Variants in NCK2 observed in about 807,000 individuals in gnomAD.
NCK2 encodes the protein NCK adaptor protein 2.
NCK2 carries 16 observed loss-of-function variants against 33.9 expected under a neutral mutation model. That is an observed-to-expected ratio of 0.47 (90% CI 0.32 to 0.72). The LOEUF (loss-of-function observed/expected upper bound fraction) is 0.72, where lower values mean the gene tolerates loss of function less well. Ranked by LOEUF, NCK2 falls within the 30% of genes least tolerant of loss-of-function variation. The pLI is 0.03. For missense variants in NCK2, 418 were observed against 537.3 expected, an observed-to-expected ratio of 0.78 and a Z score of 2.19; for synonymous variants, 273 against 239.9, an observed-to-expected ratio of 1.14 and a Z score of -1.27.
chr2:105,837,932 T>C (rs2104542452), intron 2 of NCK2, among the ~76,000 whole-genome samples: 1 of 152,376 alleles, frequency 6.6e-6, no homozygotes, highest in Middle Eastern at 3.4e-3. Flanking sequence ...CTTTTTGTTG[T>C]TGAATTGTAG....
chr2:105,892,058 C>T (rs570492288), intron 4 of NCK2, among the ~76,000 whole-genome samples: 3 of 151,922 alleles, frequency 2.0e-5, no homozygotes, highest in Non-Finnish European at 4.4e-5. Context: ...AAAAATTAGC[C>T]AGGCATGGTG....
chr2:105,884,282 T>C (rs1276087782), intron 4 of NCK2, among the ~76,000 whole-genome samples: 1 of 152,166 alleles, frequency 6.6e-6, no homozygotes, highest in Non-Finnish European at 1.5e-5. Flanking sequence ...GTTTTCCTGC[T>C]CATTTTGGCA....
intron 3 of NCK2, among the ~76,000 whole-genome samples, chr2:105,869,926 G>T (rs1343811835): frequency 2.6e-5 from 4 of 151,672 alleles, no homozygotes; most frequent in Admixed American, 1.3e-4. Context: ...TTTTTTTCAG[G>T]TTTAAATATT....
At chr2:105,866,196 G>C (rs759552292) in intron 3 of NCK2, among the ~76,000 whole-genome samples, 21 of 152,206 alleles carry the variant, frequency 1.4e-4, no homozygotes, top group Non-Finnish European at 2.6e-4. Flanking sequence ...TTACAGGCGT[G>C]AGCCACCGTG....
At chr2:105,780,981 A>G (rs895817799) in intron 1 of NCK2, among the ~76,000 whole-genome samples, 1 of 152,160 alleles carries the variant, frequency 6.6e-6, no homozygotes, top group African/African-American at 2.4e-5. Context: ...CCCAGCCTTG[A>G]CTAAGTGACC....
chr2:105,852,476 C>T (rs1677106276), intron 2 of NCK2, among the ~76,000 whole-genome samples: 1 of 152,126 alleles, frequency 6.6e-6, no homozygotes, highest in African/African-American at 2.4e-5. Flanking sequence ...CAGTAGGGCT[C>T]AGGCAGTGGA....
intron 1 of NCK2, among the ~76,000 whole-genome samples, chr2:105,785,145 A>G (rs1690632142): frequency 6.6e-6 from 1 of 152,012 alleles, no homozygotes; most frequent in East Asian, 1.9e-4. Context: ...CACCTGGCTA[A>G]TTTTTTGTAT....
chr2:105,835,710 G>T (rs1228369805), intron 2 of NCK2, among the ~76,000 whole-genome samples: 2 of 151,794 alleles, frequency 1.3e-5, no homozygotes, highest in African/African-American at 4.8e-5. Context: ...CTTTATTAAA[G>T]AGGGTTTCTA....
In NCK2 at chr2:105,848,696, C is replaced by G. The variant is rs1350319374; in HGVS notation, c.-16-6352C>G. On this transcript the variant is annotated intron_variant, in intron 2 of 4. Transcript: ENST00000233154. The stretch of plus-strand genomic sequence containing the variant: ...TTCTTTCAACTAGGCCTGCCTTCCT[C>G]TACCCCTCCCCAGTAAAATATTGAA... The G allele has an allele frequency of 2.6e-5, 4 of 152,208 alleles. No homozygotes were observed. The East Asian group carries it at 7.7e-4, about 29-fold the overall frequency. 9.4% of individuals were successfully genotyped at this position (152,208 alleles called of 1,614,324 possible).
chr2:105,793,725 C>G (rs561013416), intron 1 of NCK2, among the ~76,000 whole-genome samples: 3 of 152,334 alleles, frequency 2.0e-5, no homozygotes, highest in South Asian at 4.1e-4. Context: ...CCTTGGCCAG[C>G]GAAAGCTGCC....
At chr2:105,865,929 T>C (rs987938157) in intron 3 of NCK2, among the ~76,000 whole-genome samples, 2 of 151,856 alleles carry the variant, frequency 1.3e-5, no homozygotes, top group Admixed American at 6.6e-5. Context: ...ATTATTATTA[T>C]TTGAGACAGA....
intron 2 of NCK2, among the ~76,000 whole-genome samples, chr2:105,844,079 G>C (rs923641312): frequency 2.6e-5 from 4 of 151,188 alleles, no homozygotes; most frequent in African/African-American, 9.7e-5. Flanking sequence ...CACTGATCAG[G>C]TATTTTGCAG....
chr2:105,759,647 T>C (rs1689705503), intron 1 of NCK2, among the ~76,000 whole-genome samples: 1 of 152,240 alleles, frequency 6.6e-6, no homozygotes, highest in Non-Finnish European at 1.5e-5. Context: ...GAACCAGTAT[T>C]GGTACATTAT....
At chr2:105,885,904 G>C (rs1678703579) in intron 4 of NCK2, among the ~76,000 whole-genome samples, 1 of 151,968 alleles carries the variant, frequency 6.6e-6, no homozygotes, top group Non-Finnish European at 1.5e-5. Flanking sequence ...GGGCTTTTTT[G>C]TGTTTTTGTT....
chr2:105,884,892 C>T (rs923843575), intron 4 of NCK2, among the ~76,000 whole-genome samples: 1 of 152,130 alleles, frequency 6.6e-6, no homozygotes, highest in African/African-American at 2.4e-5. Context: ...CTCCATATTT[C>T]GTTATCATAC....
chr2:105,869,199 A>G (rs1257510880), intron 3 of NCK2, among the ~76,000 whole-genome samples: 1 of 151,992 alleles, frequency 6.6e-6, no homozygotes, highest in Admixed American at 6.6e-5. Context: ...ACCCCTCTGG[A>G]GCTTTTTAGG....
chr2:105,891,959 T>A (rs1218526186), intron 4 of NCK2, among the ~76,000 whole-genome samples: 1 of 152,230 alleles, frequency 6.6e-6, no homozygotes, highest in East Asian at 1.9e-4. Context: ...CAAACCATAG[T>A]TCAGCTTCCT....
At chr2:105,813,217 T>G (rs1183094539) in intron 1 of NCK2, among the ~76,000 whole-genome samples, 2 of 152,184 alleles carry the variant, frequency 1.3e-5, no homozygotes, top group African/African-American at 4.8e-5. Flanking sequence ...ACGGCGAGTG[T>G]CTCACTGGAA....
chr2:105,855,055 C>T lies in NCK2; in HGVS notation c.-9C>T. Reference sequence around the variant, plus strand: ...CAAATGTTTTGCTGGCAGAAGGACTCCATGAAAGATGACAGAAGAAGTTAT... The same window carrying T: ...CAAATGTTTTGCTGGCAGAAGGACTTCATGAAAGATGACAGAAGAAGTTAT... On this transcript the variant is annotated 5_prime_UTR_variant, in exon 3 of 5. Coordinates refer to ENST00000233154, the MANE Select transcript of NCK2 (RefSeq NM_003581.5). 1 of 1,612,382 alleles carries T rather than the reference C, an allele frequency of 6.2e-7. No individual in the cohort carries two copies. Among genetic ancestry groups the T allele is most frequent in the Non-Finnish European group, 8.5e-7 (1 of 1,178,470 alleles).
Sources: allele counts gnomAD v4.1 joint callset (sites outside exome capture counted in the v4.1 genomes callset), GRCh38; gene constraint gnomAD v4.1.1; transcripts MANE v1.5; gene names NCBI Gene and HGNC (gene_info 2026-07-23, HGNC 2026-07-21).